EPHA3: variants seen among roughly 807,000 people sequenced by gnomAD.
EPHA3 encodes the protein ephrin type-A receptor 3.
In EPHA3, 42 loss-of-function variants were observed where a neutral mutation model predicts 107.1. The ratio of observed to expected loss-of-function variants is 0.39; its 90% CI spans 0.31 to 0.51. EPHA3 has a LOEUF of 0.51. Ranked by LOEUF, EPHA3 falls within the 20% of genes least tolerant of loss-of-function variation. The probability of loss-of-function intolerance (pLI) is 0.78; values close to 1 mark genes in which losing one functional copy is unlikely to be tolerated. For synonymous variants in EPHA3, 461 were observed against 424.8 expected (o/e 1.09, Z -1.05); for missense variants, 1,183 against 1,211.2 (o/e 0.98, Z 0.35).
intron 5 of EPHA3, among the ~76,000 whole-genome samples, chr3:89,388,435 T>A (rs1017097046): frequency 5.3e-5 from 8 of 152,142 alleles, no homozygotes; most frequent in Admixed American, 5.2e-4. Context: ...AAGGACCTGA[T>A]CAACTATTGC....
At chr3:89,449,531 T>C (rs1338440115) in intron 14 of EPHA3, among the ~76,000 whole-genome samples, 157 bp downstream of exon 14, 1 of 152,218 alleles carries the variant, frequency 6.6e-6, no homozygotes, top group Non-Finnish European at 1.5e-5. Context: ...AAGGATATTA[T>C]ATTAATTGAA....
At chr3:89,322,179 A>C (rs1707059230) in intron 3 of EPHA3, among the ~76,000 whole-genome samples, 1 of 151,934 alleles carries the variant, frequency 6.6e-6, no homozygotes, top group African/African-American at 2.4e-5. Flanking sequence ...CGCATTCAAG[A>C]GAGTTTCCTA....
At chr3:89,357,594 G>A (rs1347138310) in intron 5 of EPHA3, among the ~76,000 whole-genome samples, 1 of 151,172 alleles carries the variant, frequency 6.6e-6, no homozygotes. Context: ...ACATGTTATG[G>A]ATATTTATAC....
At chr3:89,294,027 T>A (rs1479717420) in intron 3 of EPHA3, among the ~76,000 whole-genome samples, 1 of 152,158 alleles carries the variant, frequency 6.6e-6, no homozygotes, top group African/African-American at 2.4e-5. Flanking sequence ...CACTTAAAGA[T>A]CTAAAAAAAG....
chr3:89,429,240 T>C (rs1476880165), intron 12 of EPHA3, 73 bp downstream of exon 12: 14 of 1,135,014 alleles, frequency 1.2e-5, no homozygotes, highest in Non-Finnish European at 1.8e-5. Flanking sequence ...TCCAATATTG[T>C]GCCAAGCAAT....
intron 13 of EPHA3, among the ~76,000 whole-genome samples, chr3:89,445,509 ATAG>A (rs768195411): frequency 2.0e-5 from 3 of 152,190 alleles, no homozygotes; most frequent in Non-Finnish European, 4.4e-5. Context: ...AAGTTGATCA[ATAG>A]TAGTATCTGG....
rs185127466 is a variant in EPHA3 at position 89,365,390 on chromosome 3, T to C, written c.1306+23300T>C. 2.1e-3 allele frequency among the ~76,000 whole-genome samples: 311 copies of C among 150,248 alleles called. 12 individuals are homozygous for C. In the East Asian group the frequency reaches 0.056, roughly 27 times the overall value. ...GGGGGATTTTGTTAGTCCGCTGGAG[T>C]GGACACACACTTACATTTCCAAACA... On this transcript the variant is annotated intron_variant, in intron 5 of 16. Transcript: ENST00000336596.
intron 3 of EPHA3, among the ~76,000 whole-genome samples, chr3:89,281,176 G>A (rs1261497854): frequency 8.6e-5 from 13 of 151,806 alleles, no homozygotes; most frequent in Admixed American, 4.6e-4. Context: ...GGCCCACGCC[G>A]CCACGCCCGG....
rs753848304 is a variant in EPHA3 at position 89,113,485 on chromosome 3, C to CAAAAAAAAAAAAA, written c.88+5665_88+5677dup. 3.2e-3 allele frequency among the ~76,000 whole-genome samples: 100 copies of CAAAAAAAAAAAAA among 31,102 alleles called. 30 individuals carry two copies. Among genetic ancestry groups the CAAAAAAAAAAAAA allele is most frequent in the Admixed American group, 0.013 (16 of 1,210 alleles). 20.4% of individuals were successfully genotyped at this position (31,102 alleles called of 152,430 possible). A position where few individuals can be genotyped will look rare whatever the true frequency, so the allele number is the denominator to read the frequency against. Reference sequence around the variant, plus strand: ...TTGCCTCCTACCAGCTTCCTTTGTACAAAAAAAAAAAAAAAAAAAAAAAAA... The same window carrying CAAAAAAAAAAAAA: ...TTGCCTCCTACCAGCTTCCTTTGTACAAAAAAAAAAAAAAAAAAAAAAAAAAAAAAAAAAAAAA... On this transcript the variant is annotated intron_variant, in intron 1 of 16. Coordinates refer to ENST00000336596, the MANE Select transcript of EPHA3 (RefSeq NM_005233.6).
At chr3:89,257,216 C>A (rs1456393943) in intron 3 of EPHA3, among the ~76,000 whole-genome samples, 3 of 152,218 alleles carry the variant, frequency 2.0e-5, no homozygotes, top group African/African-American at 7.2e-5. Flanking sequence ...CTTGAGGCAT[C>A]TCTGCCTCAT....
At position 89,156,872 on chromosome 3, in the gene EPHA3, A is replaced by T. The variant is rs550948421; in HGVS notation, c.153+29599A>T. Among the ~76,000 whole-genome samples, 277 of 150,154 alleles carry T rather than the reference A, an allele frequency of 1.8e-3. 1 individual carries two copies. Among genetic ancestry groups the T allele is most frequent in the Non-Finnish European group, 3.2e-3 (216 of 67,574 alleles). ...TTACATATTCACTCATGTCCACTAC[A>T]CATTTTATTTTTTTTTTGGAAAAAA... is the stretch of plus-strand genomic sequence containing the variant. On this transcript the variant is annotated intron_variant, in intron 2 of 16. Coordinates refer to ENST00000336596, the MANE Select transcript of EPHA3 (RefSeq NM_005233.6).
intron 3 of EPHA3, among the ~76,000 whole-genome samples, chr3:89,234,846 C>G (rs1437398719): frequency 8.4e-6 from 1 of 118,814 alleles, no homozygotes; most frequent in Non-Finnish European, 1.7e-5. Flanking sequence ...TCTTTCCTTC[C>G]TTCCTTCCTC....
intron 7 of EPHA3, 120 bp from the exon 8 acceptor site, chr3:89,407,149 G>A: frequency 1.5e-6 from 1 of 654,916 alleles, no homozygotes; most frequent in East Asian, 2.8e-5. Flanking sequence ...CAGACATTAA[G>A]CCATACTTCA....
intron 2 of EPHA3, among the ~76,000 whole-genome samples, chr3:89,134,561 G>A (rs1704274218): frequency 6.6e-6 from 1 of 152,238 alleles, no homozygotes; most frequent in South Asian, 2.1e-4. Context: ...CATTTTTTAT[G>A]GCTGCATAGT....
intron 5 of EPHA3, among the ~76,000 whole-genome samples, chr3:89,385,764 G>T (rs1708605131): frequency 6.6e-6 from 1 of 152,158 alleles, no homozygotes; most frequent in African/African-American, 2.4e-5. Context: ...GAAGAAGACA[G>T]GAAAATATGG....
intron 7 of EPHA3, among the ~76,000 whole-genome samples, chr3:89,406,897 GA>G (rs1709065896): frequency 2.0e-5 from 3 of 152,260 alleles, no homozygotes; most frequent in African/African-American, 7.2e-5. Context: ...TGTATGCTGA[GA>G]AATCTTCCTC....
intron 3 of EPHA3, among the ~76,000 whole-genome samples, chr3:89,310,942 G>T (rs1045635640): frequency 6.6e-6 from 1 of 151,938 alleles, no homozygotes; most frequent in Non-Finnish European, 1.5e-5. Context: ...AAGCCAAAAT[G>T]CCTAGGTTCT....
At chr3:89,334,387 C>T (rs1707352282) in intron 3 of EPHA3, among the ~76,000 whole-genome samples, 1 of 152,150 alleles carries the variant, frequency 6.6e-6, no homozygotes, top group African/African-American at 2.4e-5. Flanking sequence ...AATTTTAATC[C>T]TTAAAGCAGT....
At chr3:89,147,218 T>G (rs1399458595) in intron 2 of EPHA3, among the ~76,000 whole-genome samples, 3 of 151,504 alleles carry the variant, frequency 2.0e-5, no homozygotes, top group Admixed American at 2.0e-4. Flanking sequence ...AGCATTAGGA[T>G]GAATACCTAA....
Sources: allele counts gnomAD v4.1 joint callset (sites outside exome capture counted in the v4.1 genomes callset), GRCh38; gene constraint gnomAD v4.1.1; transcripts MANE v1.5; gene names NCBI Gene and HGNC (gene_info 2026-07-23, HGNC 2026-07-21).